INTS2: variants seen among roughly 807,000 people sequenced by gnomAD.
INTS2 encodes the protein KIAA1287.
Under a neutral mutation model 139.6 loss-of-function variants are expected in INTS2, and 57 were observed. That is an observed-to-expected ratio of 0.41 (90% CI 0.33 to 0.51). The LOEUF (loss-of-function observed/expected upper bound fraction) is 0.51, where lower values mean the gene tolerates loss of function less well. INTS2 is among the 20% of genes least tolerant of loss of function. The pLI is 0.28. For missense variants in INTS2, 1,196 were observed against 1,436.7 expected (o/e 0.83, Z 2.71); for synonymous variants, 473 against 493.4 (o/e 0.96, Z 0.55).
At chr17:61,901,908 T>C (rs2079410917) in intron 9 of INTS2, among the ~76,000 whole-genome samples, 1 of 152,136 alleles carries the variant, frequency 6.6e-6, no homozygotes, top group African/African-American at 2.4e-5. Flanking sequence ...ATTTTGCTCC[T>C]TCAGAATGGG....
In INTS2 at chr17:61,927,684, C is replaced by T. The variant is rs2079732037; in HGVS notation, c.-49G>A. The T allele has an allele frequency of 7.0e-6, 10 of 1,431,968 alleles. No individual in the cohort carries two copies. The highest frequency in any genetic ancestry group is 2.6e-5 in the East Asian group (1 of 39,056). 88.7% of individuals were successfully genotyped at this position (1,431,968 alleles called of 1,614,324 possible). A position where few individuals can be genotyped will look rare whatever the true frequency, so the allele number is the denominator to read the frequency against. On this transcript the variant is annotated 5_prime_UTR_variant, in exon 1 of 25. Transcript: ENST00000251334. ...GATCTACCCTCCAGCCTCACGGAACCGCACACGGACTCCGCGTCCTAGAGG... is the reference window on the plus strand; with the variant it reads ...GATCTACCCTCCAGCCTCACGGAACTGCACACGGACTCCGCGTCCTAGAGG...
rs1259210686 is a variant in INTS2 at position 61,867,417 on chromosome 17, T to C, written c.*140A>G. 2 of 524,142 alleles carry C rather than the reference T, an allele frequency of 3.8e-6. No individual in the cohort carries two copies. Among genetic ancestry groups the C allele is most frequent in the Non-Finnish European group, 6.6e-6 (2 of 300,774 alleles). The allele number at this position is 524,142 out of a possible 1,614,324, so 32.5% of individuals were successfully genotyped here. A position where few individuals can be genotyped will look rare whatever the true frequency, so the allele number is the denominator to read the frequency against. On this transcript the variant is annotated 3_prime_UTR_variant, in exon 25 of 25. Transcript: ENST00000251334. The surrounding 1 kb of genome is among the most constrained non-coding windows in gnomAD (Gnocchi z 5.6). The stretch of plus-strand genomic sequence containing the variant: ...GCATAATTCTCATAAAGTTCTAAAC[T>C]ATACTCATGTTGAATTGAATTGTTT...
rs1025974180 is a variant in INTS2, at chr17:61,927,740, C to G, written c.-105G>C. On this transcript the variant is annotated 5_prime_UTR_variant, in exon 1 of 25. Transcript: ENST00000251334. The stretch of plus-strand genomic sequence containing the variant: ...CGCGGCAGAAATCGAGAGCGCGGTC[C>G]GATGTTGGGCCTAGGCGATATCCGG... 1 of 1,482,956 alleles carries G rather than the reference C, an allele frequency of 6.7e-7. No homozygotes were observed. 91.9% of individuals were successfully genotyped at this position (1,482,956 alleles called of 1,614,324 possible).
chr17:61,879,113 T>C (rs934870917), intron 17 of INTS2, among the ~76,000 whole-genome samples: 2 of 132,226 alleles, frequency 1.5e-5, no homozygotes, highest in African/African-American at 5.9e-5. Context: ...CTCTTGCCTT[T>C]ACCAATCAAG....
In INTS2 at chr17:61,891,703, T is replaced by C. The variant is rs1212613002; in HGVS notation, c.1699-14A>G. 1 of 1,572,204 alleles carries C rather than the reference T, an allele frequency of 6.4e-7. No homozygotes were observed. Among genetic ancestry groups the C allele is most frequent in the Middle Eastern group, 1.7e-4 (1 of 5,922 alleles). On this transcript the variant is annotated splice_polypyrimidine_tract_variant and intron_variant, in intron 13 of 24. Coordinates refer to ENST00000251334, the MANE Select transcript of INTS2 (RefSeq NM_001351695.2). ...ATAAATCCAATCCTAAGAAAGAATG[T>C]TATAGACACTGAATTAATTGTGGCA...
In INTS2 at chr17:61,909,591, T is replaced by C. The variant is rs777342843; in HGVS notation, c.954+1929A>G. ...CCCAACATTTGGAGTCTATGATGTGTATTATCCCACTCGCTTATGTCCATG... is the reference window on the plus strand; with the variant it reads ...CCCAACATTTGGAGTCTATGATGTGCATTATCCCACTCGCTTATGTCCATG... On this transcript the variant is annotated intron_variant, in intron 7 of 24. Transcript: ENST00000251334. The surrounding 1 kb of genome is among the most constrained non-coding windows in gnomAD (Gnocchi z 4.9). Among the ~76,000 whole-genome samples, 56 of 152,082 alleles carry C rather than the reference T, an allele frequency of 3.7e-4. No individual in the cohort carries two copies. The highest frequency in any genetic ancestry group is 6.8e-3 in the Middle Eastern group (2 of 294).
In INTS2 at chr17:61,869,555, A is replaced by G. The variant is rs890549049; in HGVS notation, c.3031-175T>C. Reference sequence around the variant, plus strand: ...GATGCACTAGAATAGAGATTAAACTATCGAACATTTCATTAGGTTAAAAAA... The same window carrying G: ...GATGCACTAGAATAGAGATTAAACTGTCGAACATTTCATTAGGTTAAAAAA... On this transcript the variant is annotated intron_variant, in intron 21 of 24. Transcript: ENST00000251334. This position sits in a 1 kb window ranked among gnomAD's most constrained non-coding sequence, Gnocchi z 5.4. 6.6e-6 allele frequency among the ~76,000 whole-genome samples: 1 copy of G among 152,002 alleles called. No individual in the cohort carries two copies. The highest frequency in any genetic ancestry group is 1.5e-5 in the Non-Finnish European group (1 of 67,972).
Position 61,927,926 on chromosome 17 carries a change from A to AC in INTS2, c.-292dup. The AC allele has an allele frequency of 6.2e-7, 1 of 1,613,886 alleles. No individual in the cohort carries two copies. The highest frequency in any genetic ancestry group is 8.5e-7 in the Non-Finnish European group (1 of 1,179,864). ...AAAGCGGGAGACTTTTTCAACCTGCACCCAGCACCTTCATTCATCCCCAGC... is the reference window on the plus strand; with the variant it reads ...AAAGCGGGAGACTTTTTCAACCTGCACCCCAGCACCTTCATTCATCCCCAGC... On this transcript the variant is annotated 5_prime_UTR_variant, in exon 1 of 25. An upstream open reading frame in the 5' UTR loses its in-frame stop. Transcript: ENST00000251334.
intron 9 of INTS2, among the ~76,000 whole-genome samples, chr17:61,901,923 T>C (rs2079411202): frequency 1.3e-5 from 2 of 152,164 alleles, no homozygotes; most frequent in Non-Finnish European, 2.9e-5. Context: ...AATGGGTATG[T>C]GTGAAGTAAA....
At position 61,876,545 on chromosome 17, in the gene INTS2, C is replaced by T. The variant is rs189120505; in HGVS notation, c.2456+1342G>A. On this transcript the variant is annotated intron_variant, in intron 18 of 24. Coordinates refer to ENST00000251334, the MANE Select transcript of INTS2 (RefSeq NM_001351695.2). The surrounding 1 kb of genome is among the most constrained non-coding windows in gnomAD (Gnocchi z 4.1). ...CCTCCATCTCCTGGGCTCAAGCGAT[C>T]GTCCTGCCTCAGCCCACCAAGTAGC... Among the ~76,000 whole-genome samples, 875 of 152,066 alleles carry T rather than the reference C, an allele frequency of 5.8e-3. 28 individuals carry two copies. Among genetic ancestry groups the T allele is most frequent in the Admixed American group, 0.053 (805 of 15,274 alleles).
Position 61,867,449 on chromosome 17 carries a change from T to C in INTS2, c.*108A>G. ...ATGTTGAATTGAATTGTTTTAGTGA[T>C]TCCAAGACAATACTTTACTGTTCCC... is the stretch of plus-strand genomic sequence containing the variant. On this transcript the variant is annotated 3_prime_UTR_variant, in exon 25 of 25. Transcript: ENST00000251334. The surrounding 1 kb of genome is among the most constrained non-coding windows in gnomAD (Gnocchi z 5.6). 1.6e-6 allele frequency: 1 copy of C among 625,954 alleles called. No homozygotes were observed. Among genetic ancestry groups the C allele is most frequent in the Admixed American group, 3.1e-5 (1 of 32,242 alleles). 38.8% of individuals were successfully genotyped at this position (625,954 alleles called of 1,614,324 possible).
At chr17:61,926,718 C>T (rs753391367) in intron 1 of INTS2, 56 bp from the exon 2 acceptor site, 1 of 1,395,384 alleles carries the variant, frequency 7.2e-7, no homozygotes, top group Admixed American at 2.0e-5. Context: ...GTATGAACAC[C>T]CAACTTTCTA....
intron 9 of INTS2, 24 bp downstream of exon 9, chr17:61,904,436 G>C: frequency 6.6e-7 from 1 of 1,521,422 alleles, no homozygotes; most frequent in South Asian, 1.2e-5. Context: ...TTGAGAAAAT[G>C]GAGCAACTTA....
At chr17:61,895,912 C>T (rs1164724324) in intron 11 of INTS2, among the ~76,000 whole-genome samples, 2 of 151,798 alleles carry the variant, frequency 1.3e-5, no homozygotes, top group African/African-American at 4.8e-5. Flanking sequence ...GAAAGGAAAA[C>T]ATTTCTAAGC....
intron 3 of INTS2, among the ~76,000 whole-genome samples, chr17:61,923,494 A>C (rs933600177): frequency 6.6e-6 from 1 of 151,280 alleles, no homozygotes; most frequent in East Asian, 1.9e-4. Flanking sequence ...AAAAAAAAAA[A>C]AAAAAAAACT....
chr17:61,896,493 AATAC>A (rs1306708907), intron 11 of INTS2, among the ~76,000 whole-genome samples: 1 of 152,162 alleles, frequency 6.6e-6, no homozygotes, highest in Non-Finnish European at 1.5e-5. Context: ...TCCCAATTTC[AATAC>A]TGGGTAAAAT....
rs1385955222 is a variant in INTS2, at chr17:61,872,968, C to T, written c.2583-508G>A. 6.6e-6 allele frequency among the ~76,000 whole-genome samples: 1 copy of T among 152,146 alleles called. No homozygotes were observed. Among genetic ancestry groups the T allele is most frequent in the Non-Finnish European group, 1.5e-5 (1 of 68,030 alleles). On this transcript the variant is annotated intron_variant, in intron 19 of 24. Transcript: ENST00000251334. The surrounding 1 kb of genome is among the most constrained non-coding windows in gnomAD (Gnocchi z 4.8). Reference sequence around the variant, plus strand: ...ATCAAATAGTGCAGGAAAGTATATACTATCAAACACTGCTATGGAATGTAA... The same window carrying T: ...ATCAAATAGTGCAGGAAAGTATATATTATCAAACACTGCTATGGAATGTAA...
intron 5 of INTS2, among the ~76,000 whole-genome samples, chr17:61,917,706 A>G (rs1237786449): frequency 6.6e-6 from 1 of 152,180 alleles, no homozygotes; most frequent in Non-Finnish European, 1.5e-5. Flanking sequence ...GGGATCATTC[A>G]AACTCCAAAC....
At chr17:61,922,484 AG>A (rs372743381) in intron 3 of INTS2, among the ~76,000 whole-genome samples, 14 of 137,546 alleles carry the variant, frequency 1.0e-4, no homozygotes, top group African/African-American at 2.2e-4. Flanking sequence ...AAAAAAAAAA[AG>A]AAAAAGAAAA....
Sources: allele counts gnomAD v4.1 joint callset (sites outside exome capture counted in the v4.1 genomes callset), GRCh38; gene constraint gnomAD v4.1.1; non-coding constraint Gnocchi (gnomAD v3.1); transcripts MANE v1.5; gene names NCBI Gene and HGNC (gene_info 2026-07-23, HGNC 2026-07-21).